Variants in MTAP observed in about 807,000 individuals in gnomAD.
MTAP encodes S-methyl-5'-thioadenosine phosphorylase.
Under a neutral mutation model 33.6 loss-of-function variants are expected in MTAP, and 33 were observed. The ratio of observed to expected loss-of-function variants is 0.98; its 90% CI spans 0.74 to 1.31. The LOEUF is 1.31. MTAP is among the 40% of genes most tolerant of loss of function. The pLI is 0.00. For synonymous variants in MTAP, 148 were observed against 125.7 expected (o/e 1.18, Z -1.19); for missense variants, 367 against 360.0 (o/e 1.02, Z -0.16).
chr9:21,888,776 T>C (rs1227662832), intron 1 of MTAP, among the ~76,000 whole-genome samples: 1 of 152,050 alleles, frequency 6.6e-6, no homozygotes, highest in Non-Finnish European at 1.5e-5. Flanking sequence ...GACATTCAAA[T>C]AGAAGTTCAA....
intron 5 of MTAP, among the ~76,000 whole-genome samples, chr9:21,840,221 CAAA>C (rs746964029): frequency 8.2e-6 from 1 of 121,294 alleles, no homozygotes. Flanking sequence ...GACTCCATGT[CAAA>C]AAAAAAAAAA....
intron 1 of MTAP, among the ~76,000 whole-genome samples, chr9:21,928,782 T>G (rs1040670345): frequency 1.2e-4 from 18 of 152,066 alleles, no homozygotes; most frequent in African/African-American, 4.3e-4. Flanking sequence ...ACCTCTTACC[T>G]TTAACCCTCC....
At chr9:21,914,305 C>A (rs1301492525) in intron 1 of MTAP, among the ~76,000 whole-genome samples, 2 of 152,174 alleles carry the variant, frequency 1.3e-5, no homozygotes, top group African/African-American at 4.8e-5. Flanking sequence ...GATTATAAAT[C>A]ATGCTGTTAT....
intron 4 of MTAP, among the ~76,000 whole-genome samples, chr9:21,822,572 A>G (rs1824673436): frequency 1.3e-5 from 2 of 152,306 alleles, no homozygotes; most frequent in South Asian, 4.1e-4. Context: ...TTTTGGAATA[A>G]GTGTGATGTG....
chr9:21,903,819 AG>A (rs1183537520), intron 1 of MTAP, among the ~76,000 whole-genome samples: 1 of 152,124 alleles, frequency 6.6e-6, no homozygotes, highest in Non-Finnish European at 1.5e-5. Context: ...GAATATTTAC[AG>A]CTCCTGAAGC....
At chr9:21,850,175 A>G (rs747168826) in intron 5 of MTAP, among the ~76,000 whole-genome samples, 11 of 152,356 alleles carry the variant, frequency 7.2e-5, no homozygotes, top group African/African-American at 2.2e-4. Flanking sequence ...AGGCATTTGC[A>G]TGCCAGAGGA....
downstream of MTAP, among the ~76,000 whole-genome samples, chr9:21,937,994 C>G (rs1819067499): frequency 6.6e-6 from 1 of 152,004 alleles, no homozygotes; most frequent in African/African-American, 2.4e-5. Flanking sequence ...GCCTGGCAGC[C>G]CAGCGTGGTG....
Position 21,864,542 on chromosome 9 carries a change from C to T in MTAP, c.*2528C>T. On this transcript the variant is annotated 3_prime_UTR_variant, in exon 8 of 8. Transcript: ENST00000644715. The stretch of plus-strand genomic sequence containing the variant: ...CCTTATAATCTGCTGTTATATTTGG[C>T]ATGGATTTTCATGGTTTTGAGAATG... 1.0e-6 allele frequency: 1 copy of T among 985,420 alleles called. No homozygotes were observed. The allele number at this position is 985,420 out of a possible 1,614,324, so 61.0% of individuals were successfully genotyped here.
chr9:21,844,675 T>C (rs997692011), intron 5 of MTAP, among the ~76,000 whole-genome samples: 5 of 152,070 alleles, frequency 3.3e-5, no homozygotes, highest in African/African-American at 1.2e-4. Context: ...GACACAATCC[T>C]CCATCTAGTT....
intron 1 of MTAP, among the ~76,000 whole-genome samples, chr9:21,905,117 C>A (rs925999108): frequency 6.6e-6 from 1 of 152,268 alleles, no homozygotes; most frequent in East Asian, 1.9e-4. Flanking sequence ...CTCAATTAGA[C>A]CCTCCACCTT....
chr9:21,857,083 G>C (rs1465106161), intron 6 of MTAP, among the ~76,000 whole-genome samples: 1 of 152,114 alleles, frequency 6.6e-6, no homozygotes, highest in Non-Finnish European at 1.5e-5. Context: ...CTGAGAGGTG[G>C]GTAGTATCAG....
intron 1 of MTAP, among the ~76,000 whole-genome samples, chr9:21,924,610 G>A (rs1043178692): frequency 9.2e-5 from 14 of 152,168 alleles, no homozygotes; most frequent in Admixed American, 2.0e-4. Context: ...TGGTTGGTTC[G>A]GGAGACCCCT....
chr9:21,874,551 TTTGA>T (rs889154596), intron 1 of MTAP, among the ~76,000 whole-genome samples: 6 of 152,154 alleles, frequency 3.9e-5, no homozygotes, highest in Non-Finnish European at 7.4e-5. Context: ...TTCCAGAGAC[TTTGA>T]TTGGTTGTTT....
intron 4 of MTAP, among the ~76,000 whole-genome samples, chr9:21,820,061 G>C (rs1459748678): frequency 1.3e-5 from 2 of 152,270 alleles, no homozygotes; most frequent in African/African-American, 4.8e-5. Context: ...CAGATGCGTA[G>C]GTTGCAAAAA....
At chr9:21,931,165 A>G (rs948699610) in exon 2 of MTAP, 4 of 750,228 alleles carry the variant, frequency 5.3e-6, no homozygotes, top group Non-Finnish European at 7.3e-6. Context: ...TACTGCTTCC[A>G]ACAACCCATG....
intron 1 of MTAP, among the ~76,000 whole-genome samples, chr9:21,920,141 G>A (rs12347570): frequency 8.4e-4 from 128 of 152,230 alleles, no homozygotes; most frequent in South Asian, 1.5e-3. Context: ...GCTCAAGAGC[G>A]AAAATCATAG....
rs747905013 is a variant in MTAP, at chr9:21,862,040, G to A, written c.*26G>A. The A allele has an allele frequency of 3.7e-6, 6 of 1,611,988 alleles. No homozygotes were observed. The highest frequency in any genetic ancestry group is 2.2e-5 in the South Asian group (2 of 90,434). On this transcript the variant is annotated 3_prime_UTR_variant, in exon 8 of 8. Transcript: ENST00000644715. ...AGTAGCATGGCTGCCCAGGAGAAAA[G>A]AAGACATTCTAATTCCAGTCATTTT...
chr9:21,809,446 T>A (rs1824289030), intron 1 of MTAP, among the ~76,000 whole-genome samples: 1 of 152,004 alleles, frequency 6.6e-6, no homozygotes, highest in Non-Finnish European at 1.5e-5. Flanking sequence ...GAGACCATCC[T>A]GGCTAACATG....
intron 5 of MTAP, among the ~76,000 whole-genome samples, chr9:21,844,688 A>G (rs1416359137): frequency 6.6e-6 from 1 of 152,184 alleles, no homozygotes; most frequent in Non-Finnish European, 1.5e-5. Context: ...ATCTAGTTAT[A>G]ATTAAAACCC....
Sources: gnomAD v4.1 joint callset for allele counts (sites outside exome capture counted in the v4.1 genomes callset) on GRCh38, gnomAD v4.1.1 for gene constraint, MANE v1.5 for transcripts, NCBI Gene and HGNC (gene_info 2026-07-23, HGNC 2026-07-21) for gene names.